Variants in MRE11 observed in about 807,000 individuals in gnomAD.
MRE11 encodes MRE11 double strand break repair nuclease.
MRE11 carries 62 observed loss-of-function variants against 91.7 expected under a neutral mutation model. The ratio of observed to expected loss-of-function variants is 0.68; its 90% CI spans 0.55 to 0.84. The LOEUF (loss-of-function observed/expected upper bound fraction) is 0.84. Ranked by LOEUF, MRE11 falls within the 40% of genes least tolerant of loss-of-function variation. MRE11 has a pLI of 0.00. For synonymous variants in MRE11, 273 were observed against 271.4 expected (o/e 1.01, Z -0.06); for missense variants, 796 against 852.9 (o/e 0.93, Z 0.83).
chr11:94,440,775 CTT>C (rs1451808607), intron 16 of MRE11, among the ~76,000 whole-genome samples: 2 of 152,160 alleles, frequency 1.3e-5, no homozygotes, highest in African/African-American at 4.8e-5. Flanking sequence ...TTTTCTCTCT[CTT>C]CTTTTCTCCT....
chr11:94,476,459 G>C, intron 6 of MRE11, 56 bp from the exon 7 acceptor site: 1 of 1,194,106 alleles, frequency 8.4e-7, no homozygotes, highest in South Asian at 1.2e-5. Flanking sequence ...CTTAAAAAAT[G>C]AATCTATTTT....
chr11:94,431,702 A>G (rs1945466408), intron 18 of MRE11, among the ~76,000 whole-genome samples: 1 of 152,236 alleles, frequency 6.6e-6, no homozygotes, highest in African/African-American at 2.4e-5. Context: ...TGATAAAGTT[A>G]TAACTATAAT....
At chr11:94,509,756 C>T in the MRE11 span, among the ~76,000 whole-genome samples, 1 of 152,146 alleles carries the variant, frequency 6.6e-6, no homozygotes, top group African/African-American at 2.4e-5. Context: ...TCTATGTATA[C>T]AGCCATGTTG....
At chr11:94,427,146 A>G (rs1459403075) in intron 19 of MRE11, among the ~76,000 whole-genome samples, 1 of 152,192 alleles carries the variant, frequency 6.6e-6, no homozygotes, top group Non-Finnish European at 1.5e-5. Context: ...AAAAATCCTC[A>G]AGAAACTAGC....
chr11:94,435,950 T>A, intron 17 of MRE11, 51 bp from the exon 18 acceptor site: 1 of 1,462,360 alleles, frequency 6.8e-7, no homozygotes. Context: ...AGACTCTGAA[T>A]AAAAATGAAA....
At chr11:94,480,433 T>C (rs960586115) in intron 4 of MRE11, among the ~76,000 whole-genome samples, 15 of 152,338 alleles carry the variant, frequency 9.8e-5, no homozygotes, top group East Asian at 1.9e-4. Flanking sequence ...CAGTACTCCA[T>C]TGCATGGATC....
chr11:94,425,600 C>G (rs2134763449), intron 19 of MRE11, among the ~76,000 whole-genome samples: 1 of 152,124 alleles, frequency 6.6e-6, no homozygotes, highest in African/African-American at 2.4e-5. Flanking sequence ...ATCAAGAGAC[C>G]CATTTCACAT....
chr11:94,494,769 G>T (rs1947386302), upstream of MRE11, among the ~76,000 whole-genome samples: 1 of 152,128 alleles, frequency 6.6e-6, no homozygotes, highest in Non-Finnish European at 1.5e-5. Flanking sequence ...TATATAAAGG[G>T]AGTTTTTATT....
chr11:94,474,687 G>A (rs1946806094), intron 7 of MRE11, among the ~76,000 whole-genome samples: 1 of 152,064 alleles, frequency 6.6e-6, no homozygotes, highest in Admixed American at 6.6e-5. Flanking sequence ...TAGAAAATGG[G>A]AACTTTACAG....
chr11:94,496,888 G>A (rs778520597), upstream of MRE11: 40 of 1,613,204 alleles, frequency 2.5e-5, no homozygotes, highest in South Asian at 4.2e-4. Context: ...GGTATCGATT[G>A]CAAGAAAAAA....
intron 19 of MRE11, among the ~76,000 whole-genome samples, chr11:94,423,440 T>A (rs1382250082): frequency 6.6e-6 from 1 of 152,172 alleles, no homozygotes; most frequent in Non-Finnish European, 1.5e-5. Context: ...TTTTCATATC[T>A]AAGGCAGCTG....
intron 14 of MRE11, among the ~76,000 whole-genome samples, chr11:94,449,168 G>C (rs900980485): frequency 1.3e-5 from 2 of 152,156 alleles, no homozygotes; most frequent in African/African-American, 4.8e-5. Flanking sequence ...GAGGAGATGT[G>C]AACAAGGCAG....
At chr11:94,464,043 G>T in intron 11 of MRE11, 70 bp downstream of exon 11, 1 of 1,506,778 alleles carries the variant, frequency 6.6e-7, no homozygotes, top group Non-Finnish European at 9.2e-7. Flanking sequence ...TTATGTTACA[G>T]TTTTTAATAA....
chr11:94,500,038 T>C, the MRE11 span, among the ~76,000 whole-genome samples: 1 of 152,150 alleles, frequency 6.6e-6, no homozygotes, highest in African/African-American at 2.4e-5. Context: ...GGGAGATGCT[T>C]TGTGGCAGAG....
At chr11:94,426,084 A>C (rs927385078) in intron 19 of MRE11, among the ~76,000 whole-genome samples, 7 of 152,204 alleles carry the variant, frequency 4.6e-5, no homozygotes, top group African/African-American at 1.7e-4. Context: ...CAGTCAAAGT[A>C]AGTCTAAATA....
chr11:94,471,883 A>C (rs757016142), intron 7 of MRE11, 124 bp from the exon 8 acceptor site: 10 of 769,704 alleles, frequency 1.3e-5, no homozygotes, highest in Non-Finnish European at 2.1e-5. Flanking sequence ...TGTACCAGAA[A>C]GTGTGCACAG....
chr11:94,496,261 C>G (rs908993970), upstream of MRE11, among the ~76,000 whole-genome samples: 1 of 152,142 alleles, frequency 6.6e-6, no homozygotes, highest in Non-Finnish European at 1.5e-5. Context: ...TTATAAAAAT[C>G]TTGAATGCAC....
intron 13 of MRE11, among the ~76,000 whole-genome samples, chr11:94,458,734 A>G (rs1324202469): frequency 6.6e-6 from 1 of 152,172 alleles, no homozygotes; most frequent in African/African-American, 2.4e-5. Flanking sequence ...CAATTTGACA[A>G]ACAAAAGATG....
At chr11:94,420,526 T>C (rs1945142679) in intron 19 of MRE11, among the ~76,000 whole-genome samples, 1 of 152,210 alleles carries the variant, frequency 6.6e-6, no homozygotes, top group Non-Finnish European at 1.5e-5. Flanking sequence ...TACATTTTAT[T>C]ACAGTTGTAT....
Sources: gnomAD v4.1 joint callset for allele counts (sites outside exome capture counted in the v4.1 genomes callset) on GRCh38, gnomAD v4.1.1 for gene constraint, MANE v1.5 for transcripts, NCBI Gene and HGNC (gene_info 2026-07-23, HGNC 2026-07-21) for gene names.